Variants in NUGGC observed in about 807,000 individuals in gnomAD.
The protein encoded by NUGGC is nuclear GTPase, germinal center associated, also known as nuclear GTPase SLIP-GC.
NUGGC carries 58 observed loss-of-function variants against 92.6 expected under a neutral mutation model. The observed-to-expected ratio is 0.63, with a 90% CI of 0.51 to 0.78. The LOEUF is 0.78. Among genes scored for constraint, NUGGC ranks in the 30% least tolerant of loss-of-function variants. The probability of loss-of-function intolerance (pLI) is 0.00; values close to 1 mark genes in which losing one functional copy is unlikely to be tolerated. For synonymous variants in NUGGC, 376 were observed against 366.4 expected (o/e 1.03, Z -0.30); for missense variants, 925 against 964.6 (o/e 0.96, Z 0.54).
intron 3 of NUGGC, chr8:28,069,871 A>G: frequency 1.7e-6 from 1 of 576,972 alleles, no homozygotes; most frequent in South Asian, 2.3e-5. Context: ...GGCTGCTCTG[A>G]AACTCTGGTA....
chr8:28,044,985 A>G (rs1809793829), intron 12 of NUGGC, among the ~76,000 whole-genome samples: 1 of 152,202 alleles, frequency 6.6e-6, no homozygotes, highest in African/African-American at 2.4e-5. Flanking sequence ...TTACTATGAG[A>G]AAAGTAATTT....
chr8:28,055,638 G>C (rs1810113871), intron 10 of NUGGC, among the ~76,000 whole-genome samples: 1 of 152,206 alleles, frequency 6.6e-6, no homozygotes, highest in Non-Finnish European at 1.5e-5. Context: ...TTTGAGAACA[G>C]TCTGGACAAC....
chr8:28,033,805 G>T, intron 13 of NUGGC, 108 bp from the exon 14 acceptor site: 1 of 951,226 alleles, frequency 1.1e-6, no homozygotes, highest in South Asian at 1.5e-5. Flanking sequence ...ACAGGAAAGT[G>T]TAGAGACAAC....
intron 17 of NUGGC, among the ~76,000 whole-genome samples, chr8:28,027,646 A>C (rs550074593): frequency 1.1e-4 from 16 of 152,172 alleles, no homozygotes; most frequent in Non-Finnish European, 2.1e-4. Flanking sequence ...GGCAGAGTCT[A>C]GTTTTGAAGC....
chr8:28,059,159 C>G (rs1252681756), intron 8 of NUGGC, among the ~76,000 whole-genome samples: 2 of 152,092 alleles, frequency 1.3e-5, no homozygotes, highest in African/African-American at 2.4e-5. Flanking sequence ...GCAGTCAGAC[C>G]TAAGCTTCAG....
chr8:28,053,992 T>C lies in NUGGC; in HGVS notation c.1206+1973A>G, dbSNP rs146836200. 8.0e-3 allele frequency among the ~76,000 whole-genome samples: 1,217 copies of C among 152,312 alleles called. 21 individuals are homozygous for C. The highest frequency in any genetic ancestry group is 0.029 in the African/African-American group (1,188 of 41,556). On this transcript the variant is annotated intron_variant, in intron 10 of 18. Transcript: ENST00000413272. ...ACAACAGACATTTTCTGTATCAATA[T>C]TATTGAAGGCAAAATACAGAAAGAA... is the stretch of plus-strand genomic sequence containing the variant.
chr8:28,054,495 TA>T (rs943800552), intron 10 of NUGGC, among the ~76,000 whole-genome samples: 11 of 150,162 alleles, frequency 7.3e-5, no homozygotes, highest in East Asian at 2.0e-4. Flanking sequence ...ATAAAAAAGT[TA>T]AAAAAAAAGA....
chr8:28,056,611 G>GACA (rs1219678959), intron 9 of NUGGC, among the ~76,000 whole-genome samples: 5 of 151,940 alleles, frequency 3.3e-5, no homozygotes. Flanking sequence ...AAAACTCACA[G>GACA]ACAAACCCTG....
chr8:28,066,833 C>T (rs1481934119), intron 6 of NUGGC, among the ~76,000 whole-genome samples: 1 of 152,208 alleles, frequency 6.6e-6, no homozygotes, highest in Non-Finnish European at 1.5e-5. Context: ...ACTGGGGAGG[C>T]AGTGGAGTGA....
intron 12 of NUGGC, among the ~76,000 whole-genome samples, chr8:28,045,054 C>T (rs1388141354): frequency 3.3e-5 from 5 of 152,230 alleles, no homozygotes; most frequent in Non-Finnish European, 7.3e-5. Context: ...TGAAACTCTA[C>T]TGAAATTCCC....
In NUGGC at chr8:28,073,177, T is replaced by C. The variant is rs1268187129; in HGVS notation, c.43+1191A>G. Among the ~76,000 whole-genome samples, 21 of 76,776 alleles carry C rather than the reference T, an allele frequency of 2.7e-4. 1 individual carries two copies. Among genetic ancestry groups the C allele is most frequent in the Admixed American group, 9.0e-4 (6 of 6,634 alleles). The allele number at this position is 76,776 out of a possible 152,430, so 50.4% of individuals were successfully genotyped here. ...CCACCACGCCTGGCTAATTTTTTTT[T>C]CTTTTTTTTTTTTTTTCCAGTGATG... On this transcript the variant is annotated intron_variant, in intron 2 of 18. Coordinates refer to ENST00000413272, the MANE Select transcript of NUGGC (RefSeq NM_001010906.2).
At chr8:28,076,912 C>T (rs1386470684) in intron 1 of NUGGC, among the ~76,000 whole-genome samples, 1 of 152,174 alleles carries the variant, frequency 6.6e-6, no homozygotes, top group East Asian at 1.9e-4. Context: ...TTAACATTCT[C>T]AACTAATCAG....
rs1360705490 is a variant in NUGGC, at chr8:28,064,645, C to T, written c.798G>A (p.Trp266Ter). Residue 266 changes from tryptophan to a stop codon, truncating the protein, a stop_gained, in exon 7 of 19, where the codon TGG (tryptophan) becomes TGA (stop). Transcript: ENST00000413272. LOFTEE classifies it high-confidence loss of function. Reference sequence around the variant, plus strand: ...TCACTTCCACATGTTTGATCAAGGGCCAGATGCGCATCTCAGCGGCCTCTC... The same window carrying T: ...TCACTTCCACATGTTTGATCAAGGGTCAGATGCGCATCTCAGCGGCCTCTC... ...WDGEAAEMRIWPLIKHVEVTL... is the reference protein window; with the variant it reads ...WDGEAAEMRI The T allele has an allele frequency of 6.2e-7, 1 of 1,613,890 alleles. No individual in the cohort carries two copies. The highest frequency in any genetic ancestry group is 8.5e-7 in the Non-Finnish European group (1 of 1,179,884).
chr8:28,051,692 G>A (rs1019250152), intron 10 of NUGGC, among the ~76,000 whole-genome samples: 1 of 152,194 alleles, frequency 6.6e-6, no homozygotes, highest in Non-Finnish European at 1.5e-5. Flanking sequence ...TTGAGAGGCT[G>A]AGGGCAGATC....
chr8:28,039,764 G>A (rs116096364), intron 13 of NUGGC, among the ~76,000 whole-genome samples: 1 of 152,120 alleles, frequency 6.6e-6, no homozygotes, highest in African/African-American at 2.4e-5. Flanking sequence ...AGCACGGGGG[G>A]ACACCAAGTC....
At chr8:28,075,803 C>A (rs1467789443) in intron 1 of NUGGC, among the ~76,000 whole-genome samples, 1 of 152,096 alleles carries the variant, frequency 6.6e-6, no homozygotes, top group African/African-American at 2.4e-5. Context: ...GGGTGAGAAC[C>A]CCTATTAAGT....
chr8:28,041,016 G>A, intron 13 of NUGGC, 35 bp downstream of exon 13: 1 of 1,563,964 alleles, frequency 6.4e-7, no homozygotes, highest in South Asian at 1.2e-5. Context: ...CAGGCCTCCT[G>A]GAATATCTGA....
Position 28,069,639 on chromosome 8 carries a change from T to C in NUGGC, c.162A>G (p.Glu54=). 2 of 1,601,976 alleles carry C rather than the reference T, an allele frequency of 1.2e-6. No homozygotes were observed. Among genetic ancestry groups the C allele is most frequent in the African/African-American group, 1.3e-5 (1 of 74,738 alleles). Residue 54 remains glutamate (E), a synonymous_variant, in exon 4 of 19, where the codon GAA becomes GAG. Transcript: ENST00000413272. ...TGCTCAAAACCCTTCTGGTCCGTGA[T>C]TCCAATTTTTCATCTGGAATTAACA... ...QSALKEYEKL[E]SRTRRVLSNT...
At chr8:28,034,496 A>G (rs1809504701) in intron 13 of NUGGC, among the ~76,000 whole-genome samples, 1 of 152,214 alleles carries the variant, frequency 6.6e-6, no homozygotes, top group South Asian at 2.1e-4. Context: ...TAGTATTACA[A>G]CATGAGAATA....
Sources: allele counts gnomAD v4.1 joint callset (sites outside exome capture counted in the v4.1 genomes callset), GRCh38; gene constraint gnomAD v4.1.1; transcripts MANE v1.5; gene names NCBI Gene and HGNC (gene_info 2026-07-23, HGNC 2026-07-21).